The following ERFL variants were observed in gnomAD, a reference collection of about 807,000 sequenced individuals.
ERFL encodes the protein ETS domain-containing transcription factor ERF-like.
In ERFL, 8 loss-of-function variants were observed where a neutral mutation model predicts 27.9. The ratio of observed to expected loss-of-function variants is 0.29; its 90% confidence interval spans 0.17 to 0.52. The LOEUF is 0.52. Among genes scored for constraint, ERFL ranks in the 20% least tolerant of loss-of-function variants. The probability of loss-of-function intolerance (pLI) is 0.97; values close to 1 mark genes in which losing one functional copy is unlikely to be tolerated. For missense variants in ERFL, 294 were observed against 444.4 expected, an observed-to-expected ratio of 0.66 and a Z score of 3.04; for synonymous variants, 174 against 202.8, an observed-to-expected ratio of 0.86 and a Z score of 1.21.
chr19:41,915,964 G>A (rs1342036028), intron 1 of ERFL, among the ~76,000 whole-genome samples: 3 of 151,614 alleles, frequency 2.0e-5, no homozygotes, highest in Admixed American at 6.6e-5. Context: ...GGCGTGGTGC[G>A]GATGGGTACT....
At chr19:41,913,554 C>G (rs894566067) in intron 1 of ERFL, among the ~76,000 whole-genome samples, 1 of 151,716 alleles carries the variant, frequency 6.6e-6, no homozygotes, top group Non-Finnish European at 1.5e-5. Flanking sequence ...TCCTCTACCC[C>G]ACAGGGCAGC....
At chr19:41,923,032 G>T in intron 1 of ERFL, 1 of 406,666 alleles carries the variant, frequency 2.5e-6, no homozygotes, top group Admixed American at 2.8e-5. Context: ...GAGGGGGCTG[G>T]GGGAACCCAC....
intron 2 of ERFL, among the ~76,000 whole-genome samples, chr19:41,911,598 CCTT>C (rs2074752001): frequency 1.3e-5 from 2 of 152,164 alleles, no homozygotes. Flanking sequence ...CAGGCAGTCT[CCTT>C]GAGGGAGAAT....
rs1019933617 is a variant in ERFL, at chr19:41,921,301, G to A, written c.-14+6739C>T. ...CATGCAGGGAGGAAGAGAGACCGAG[G>A]GGGTGGAGCGTGATACATGGAGAAC... On this transcript the variant is annotated intron_variant, in intron 1 of 5. Transcript: ENST00000597630. This position sits in a 1 kb window ranked among gnomAD's most constrained non-coding sequence, Gnocchi z 4.4. 4.6e-5 allele frequency among the ~76,000 whole-genome samples: 7 copies of A among 152,150 alleles called. No homozygotes were observed. Among genetic ancestry groups the A allele is most frequent in the African/African-American group, 1.4e-4 (6 of 41,428 alleles).
rs1555852019 is a variant in ERFL at position 41,917,018 on chromosome 19, G to A, written c.-13-4086C>T. Among the ~76,000 whole-genome samples the A allele has an allele frequency of 2.0e-5, 3 of 152,232 alleles. No homozygotes were observed. On this transcript the variant is annotated intron_variant, in intron 1 of 5. Coordinates refer to ENST00000597630, the MANE Select transcript of ERFL (RefSeq NM_001365103.2). The surrounding 1 kb of genome is among the most constrained non-coding windows in gnomAD (Gnocchi z 4.8). ...AGCATGTCTCTGCATGGGTGTGTGT[G>A]TGTGTGTGCACATATGTGACACGTG...
intron 2 of ERFL, among the ~76,000 whole-genome samples, chr19:41,911,037 G>A (rs982422054): frequency 1.3e-5 from 2 of 152,140 alleles, no homozygotes. Context: ...GATGGAGACG[G>A]TGAACACAGC....
In ERFL at chr19:41,921,545, C is replaced by T. The variant is rs538173694; in HGVS notation, c.-14+6495G>A. 1.4e-5 allele frequency among the ~76,000 whole-genome samples: 2 copies of T among 147,950 alleles called. No individual in the cohort carries two copies. Among genetic ancestry groups the T allele is most frequent in the African/African-American group, 2.7e-5 (1 of 37,582 alleles). On this transcript the variant is annotated intron_variant, in intron 1 of 5. Transcript: ENST00000597630. This position sits in a 1 kb window ranked among gnomAD's most constrained non-coding sequence, Gnocchi z 4.4. ...GGGGGAGATCCGAGGTGGGGAAACA[C>T]GGCAGAAGGAGCGAACCAGAGAGGC...
chr19:41,913,208 C>T (rs1035794878), intron 1 of ERFL, among the ~76,000 whole-genome samples: 1 of 151,872 alleles, frequency 6.6e-6, no homozygotes, highest in African/African-American at 2.4e-5. Flanking sequence ...CCGCTCCCAG[C>T]CTCCCTCCCC....
chr19:41,909,319 A>C lies in ERFL; in HGVS notation c.455T>G (p.Phe152Cys). Reference protein sequence around the residue: ...GSPLLLTPSPFGGAPGPDAPP... With the variant: ...GSPLLLTPSPCGGAPGPDAPP... Reference sequence around the variant, plus strand: ...AGCATCTGGCCCTGGGGCCCCCCCAAAGGGACTGGGGGTCAGCAAGAGTGG... The same window carrying C: ...AGCATCTGGCCCTGGGGCCCCCCCACAGGGACTGGGGGTCAGCAAGAGTGG... The change falls in exon 4 of 6, where the codon TTT becomes TGT. Residue 152 changes from phenylalanine to cysteine, a missense_variant. By Grantham distance (205) the Phe-to-Cys change is radical. Transcript: ENST00000597630. This position sits in a 1 kb window ranked among gnomAD's most constrained non-coding sequence, Gnocchi z 5.2. The C allele has an allele frequency of 8.1e-7, 1 of 1,235,000 alleles. No individual in the cohort carries two copies. Among genetic ancestry groups the C allele is most frequent in the South Asian group, 4.1e-5 (1 of 24,494 alleles). The allele number at this position is 1,235,000 out of a possible 1,614,324, so 76.5% of individuals were successfully genotyped here. A position where few individuals can be genotyped will look rare whatever the true frequency, so the allele number is the denominator to read the frequency against.
rs377566576 is a variant in ERFL at position 41,908,469 on chromosome 19, G to A, written c.824C>T (p.Thr275Met). 23 of 1,231,400 alleles carry A rather than the reference G, an allele frequency of 1.9e-5. No individual in the cohort carries two copies. Among genetic ancestry groups the A allele is most frequent in the African/African-American group, 7.8e-5 (5 of 64,388 alleles). 76.3% of individuals were successfully genotyped at this position (1,231,400 alleles called of 1,614,324 possible). A position where few individuals can be genotyped will look rare whatever the true frequency, so the allele number is the denominator to read the frequency against. The change falls in exon 6 of 6, where the codon ACG (threonine) becomes ATG (methionine). Residue 275 changes from threonine (T) to methionine (M), a missense_variant. Coordinates refer to ENST00000597630, the MANE Select transcript of ERFL (RefSeq NM_001365103.2). The surrounding 1 kb of genome is among the most constrained non-coding windows in gnomAD (Gnocchi z 6.7). The stretch of plus-strand genomic sequence containing the variant: ...CTCCCCTGTCGAGGCCAGCAGGGGC[G>A]TGGCTGTGGGGCCTCCCCCTGCCCC... The part of the protein sequence containing the change: ...SSGAGGGPTA[T>M]PLLASTGEGL...
Position 41,910,811 on chromosome 19 carries a change from C to T in ERFL, c.68-714G>A, listed in dbSNP as rs2074747411. Reference sequence around the variant, plus strand: ...TGAGACACACAGCCACACTGGGACACAGGCACACCGGAGTGCCACACTCAT... The same window carrying T: ...TGAGACACACAGCCACACTGGGACATAGGCACACCGGAGTGCCACACTCAT... On this transcript the variant is annotated intron_variant, in intron 2 of 5. Transcript: ENST00000597630. The surrounding 1 kb of genome is among the most constrained non-coding windows in gnomAD (Gnocchi z 4.4). Among the ~76,000 whole-genome samples, 2 of 152,184 alleles carry T rather than the reference C, an allele frequency of 1.3e-5. No individual in the cohort carries two copies. Among genetic ancestry groups the T allele is most frequent in the South Asian group, 4.1e-4 (2 of 4,834 alleles).
rs546220580 is a variant in ERFL, at chr19:41,924,850, G to T, written c.-14+3190C>A. 9.8e-5 allele frequency among the ~76,000 whole-genome samples: 15 copies of T among 152,328 alleles called. No individual in the cohort carries two copies. The East Asian group carries it at 2.9e-3, about 29-fold the overall frequency. ...GACCGGTGTTTCTGGAGAGAAGCAGGTTGGAGACAGGTGTGAGAGATCTGA... is the reference window on the plus strand; with the variant it reads ...GACCGGTGTTTCTGGAGAGAAGCAGTTTGGAGACAGGTGTGAGAGATCTGA... On this transcript the variant is annotated intron_variant, in intron 1 of 5. Coordinates refer to ENST00000597630, the MANE Select transcript of ERFL (RefSeq NM_001365103.2).
intron 1 of ERFL, among the ~76,000 whole-genome samples, chr19:41,926,175 T>C (rs1260087148): frequency 2.0e-5 from 3 of 151,634 alleles, no homozygotes; most frequent in African/African-American, 7.3e-5. Flanking sequence ...GGGCAGATTT[T>C]AGAGAACAGG....
At chr19:41,912,037 C>T (rs1039554579) in intron 2 of ERFL, among the ~76,000 whole-genome samples, 1 of 152,018 alleles carries the variant, frequency 6.6e-6, no homozygotes, top group African/African-American at 2.4e-5. Context: ...CGAGACAGAC[C>T]GCAAGAAACA....
chr19:41,909,847 C>T lies in ERFL; in HGVS notation c.302+16G>A. The stretch of plus-strand genomic sequence containing the variant: ...GAAAAGGACAAGGTGGGATCCAGCC[C>T]CAAGCCCTTCCTCACCGCAGGGCCC... On this transcript the variant is annotated intron_variant, in intron 3 of 5. Transcript: ENST00000597630. This position sits in a 1 kb window ranked among gnomAD's most constrained non-coding sequence, Gnocchi z 5.2. The T allele has an allele frequency of 1.0e-5, 16 of 1,595,346 alleles. No homozygotes were observed. Among genetic ancestry groups the T allele is most frequent in the Non-Finnish European group, 1.4e-5 (16 of 1,170,164 alleles).
chr19:41,909,461 T>A lies in ERFL; in HGVS notation c.313A>T (p.Asn105Tyr). 8.1e-7 allele frequency: 1 copy of A among 1,241,690 alleles called. No homozygotes were observed. The highest frequency in any genetic ancestry group is 1.0e-6 in the Non-Finnish European group (1 of 993,178). The allele number at this position is 1,241,690 out of a possible 1,614,324, so 76.9% of individuals were successfully genotyped here. The change falls in exon 4 of 6, where the codon AAC becomes TAC. Residue 105 changes from asparagine to tyrosine, a missense_variant. Physicochemically the swap from Asn to Tyr is moderately radical, Grantham distance 143 (BLOSUM62 -2). Around this residue, in one of 3 missense-constraint regions of ERFL, gnomAD observed 246 missense variants for 371.4 expected, o/e 0.66. Transcript: ENST00000597630. The surrounding 1 kb of genome is among the most constrained non-coding windows in gnomAD (Gnocchi z 5.2). ...KLSRALRYYY[N>Y]KRILHKTKGK... ...TTGGTCTTGTGGAGAATCCGCTTGT[T>A]GTAGTAGTAACTGTGGGGAGAGTGG...
intron 1 of ERFL, among the ~76,000 whole-genome samples, chr19:41,918,394 ACATAC>A (rs1334143250): frequency 2.7e-5 from 4 of 147,784 alleles, no homozygotes; most frequent in African/African-American, 1.0e-4. Context: ...CACCACATAC[ACATAC>A]CATATCACAC....
Position 41,910,002 on chromosome 19 carries a change from C to G in ERFL, c.163G>C (p.Glu55Gln), listed in dbSNP as rs1414146470. The G allele has an allele frequency of 6.2e-7, 1 of 1,613,674 alleles. No individual in the cohort carries two copies. Among genetic ancestry groups the G allele is most frequent in the Non-Finnish European group, 8.5e-7 (1 of 1,179,994 alleles). ...WHFILELLQK[E>Q]EYQGVIAWQG... is the part of the protein sequence containing the mutation. ...CAGGCTATGACGCCCTGGTACTCCTCCTTCTGCAGCAGCTCCAGGATAAAG... is the reference window on the plus strand; with the variant it reads ...CAGGCTATGACGCCCTGGTACTCCTGCTTCTGCAGCAGCTCCAGGATAAAG... The change falls in exon 3 of 6, where the codon GAG becomes CAG. Residue 55 changes from glutamate to glutamine, a missense_variant. Physicochemically the swap from Glu to Gln is conservative, Grantham distance 29. Transcript: ENST00000597630. This position sits in a 1 kb window ranked among gnomAD's most constrained non-coding sequence, Gnocchi z 4.4.
At position 41,914,839 on chromosome 19, in the gene ERFL, G is replaced by A. The variant is rs146599927; in HGVS notation, c.-13-1907C>T. Among the ~76,000 whole-genome samples the A allele has an allele frequency of 2.8e-3, 27 of 9,784 alleles. 5 individuals carry two copies. The highest frequency in any genetic ancestry group is 4.8e-3 in the South Asian group (1 of 210). 6.4% of individuals were successfully genotyped at this position (9,784 alleles called of 152,430 possible). ...CACCGTGTCTCCCCCCCTTTCCACC[G>A]TCTCTGTCTCTCCCCCCCTCCACCA... On this transcript the variant is annotated intron_variant, in intron 1 of 5. Coordinates refer to ENST00000597630, the MANE Select transcript of ERFL (RefSeq NM_001365103.2).
Sources: gnomAD v4.1 joint callset for allele counts (sites outside exome capture counted in the v4.1 genomes callset) on GRCh38, gnomAD v4.1.1 for gene constraint, gnomAD v4.1.1 regional missense constraint, Gnocchi (gnomAD v3.1) non-coding constraint, MANE v1.5 for transcripts, NCBI Gene and HGNC (gene_info 2026-07-23, HGNC 2026-07-21) for gene names.